The following HDX variants were observed in gnomAD, a reference collection of about 807,000 sequenced individuals.
HDX encodes the protein highly divergent homeobox.
Under a neutral mutation model 45.2 loss-of-function variants are expected in HDX, and 19 were observed. The ratio of observed to expected loss-of-function variants is 0.42; its 90% confidence interval spans 0.29 to 0.62. The LOEUF (loss-of-function observed/expected upper bound fraction) is 0.62, where lower values mean the gene tolerates loss of function less well. Among genes scored for constraint, HDX ranks in the 20% least tolerant of loss-of-function variants. The pLI, the probability that HDX is intolerant of heterozygous loss-of-function variation, is 0.20. For missense variants in HDX, 532 were observed against 493.9 expected (o/e 1.08, Z -0.73); for synonymous variants, 188 against 172.8 (o/e 1.09, Z -0.69).
chrX:84,349,765 T>A (rs913579969), intron 6 of HDX, among the ~76,000 whole-genome samples: 18 of 107,480 alleles, frequency 1.7e-4, no homozygotes, highest in Non-Finnish European at 3.3e-4. Context: ...TCTTTTGTAG[T>A]AACATAAATG....
chrX:84,365,626 C>T (rs187576892), intron 5 of HDX, among the ~76,000 whole-genome samples: 2 of 111,116 alleles, frequency 1.8e-5, no homozygotes, highest in Admixed American at 9.6e-5. Context: ...TGTTTGGTGC[C>T]CATGATATAA....
intron 6 of HDX, among the ~76,000 whole-genome samples, chrX:84,360,647 C>T (rs900615523): frequency 4.5e-5 from 5 of 111,164 alleles, no homozygotes; most frequent in African/African-American, 1.6e-4. Context: ...GAGGACACTT[C>T]ATATAAATGA....
At chrX:84,349,562 TG>T (rs2037289068) in intron 6 of HDX, among the ~76,000 whole-genome samples, 1 of 91,399 alleles carries the variant, frequency 1.1e-5, no homozygotes, top group Admixed American at 1.3e-4. Flanking sequence ...AGCATATAGA[TG>T]TATATATATG....
intron 5 of HDX, among the ~76,000 whole-genome samples, chrX:84,409,751 T>G (rs1329811868): frequency 2.0e-5 from 2 of 99,844 alleles, no homozygotes; most frequent in Non-Finnish European, 4.1e-5. Context: ...AGGGATAGCA[T>G]TAGGAGATAT....
chrX:84,422,649 C>A (rs2039282808), intron 5 of HDX, among the ~76,000 whole-genome samples: 1 of 102,446 alleles, frequency 9.8e-6, no homozygotes, highest in Non-Finnish European at 2.0e-5. Context: ...TACCAAAGAC[C>A]AATGAAATAA....
At chrX:84,415,246 T>G (rs977720983) in intron 5 of HDX, among the ~76,000 whole-genome samples, 9 of 112,145 alleles carry the variant, frequency 8.0e-5, no homozygotes, top group South Asian at 7.3e-4. Flanking sequence ...ACCACATTTC[T>G]CCACTTGCCA....
intron 4 of HDX, among the ~76,000 whole-genome samples, chrX:84,459,035 C>T (rs954896720): frequency 8.9e-6 from 1 of 112,020 alleles, no homozygotes; most frequent in African/African-American, 3.2e-5. Context: ...TCAAGTATCT[C>T]CTCTGGTCAC....
intron 4 of HDX, among the ~76,000 whole-genome samples, chrX:84,447,512 G>A (rs1215835813): frequency 1.8e-5 from 2 of 111,087 alleles, no homozygotes; most frequent in Non-Finnish European, 3.8e-5. Flanking sequence ...ACTCACTTAG[G>A]CCCTGAAACT....
At chrX:84,339,030 T>A (rs1053147559) in intron 7 of HDX, among the ~76,000 whole-genome samples, 6 of 111,246 alleles carry the variant, frequency 5.4e-5, no homozygotes, top group African/African-American at 2.0e-4. Flanking sequence ...GCCAATTAAA[T>A]CTCTTTTCTT....
chrX:84,340,206 G>A (rs2056062011), intron 7 of HDX, among the ~76,000 whole-genome samples: 1 of 110,921 alleles, frequency 9.0e-6, no homozygotes, highest in African/African-American at 3.3e-5. Context: ...AACTGAAACT[G>A]CTAAAAGACC....
chrX:84,416,360 G>A (rs1335360900), intron 5 of HDX, among the ~76,000 whole-genome samples: 3 of 111,656 alleles, frequency 2.7e-5, no homozygotes, highest in Admixed American at 9.5e-5. Context: ...GAGGGGCATC[G>A]ATCCTGGTAA....
intron 5 of HDX, among the ~76,000 whole-genome samples, chrX:84,432,471 T>A (rs980949275): frequency 1.8e-5 from 2 of 111,910 alleles, no homozygotes; most frequent in Non-Finnish European, 3.8e-5. Flanking sequence ...GAACATAGAA[T>A]GTTTTTCCAT....
At chrX:84,432,111 T>C (rs1185749723) in intron 5 of HDX, among the ~76,000 whole-genome samples, 3 of 111,606 alleles carry the variant, frequency 2.7e-5, no homozygotes, top group Admixed American at 9.5e-5. Flanking sequence ...TCATGGCTTG[T>C]TTTTGCCAAC....
intron 6 of HDX, among the ~76,000 whole-genome samples, chrX:84,347,684 A>G (rs2037238298): frequency 9.0e-6 from 1 of 111,404 alleles, no homozygotes. Flanking sequence ...TCTCCTTCAC[A>G]TTTGAAGGAT....
At chrX:84,358,186 C>T (rs2037533589) in intron 6 of HDX, among the ~76,000 whole-genome samples, 1 of 111,630 alleles carries the variant, frequency 9.0e-6, no homozygotes, top group African/African-American at 3.3e-5. Context: ...CTAATTAATA[C>T]AACACATCAT....
At chrX:84,458,294 T>C (rs1490597359) in intron 4 of HDX, among the ~76,000 whole-genome samples, 1 of 110,520 alleles carries the variant, frequency 9.0e-6, no homozygotes, top group Non-Finnish European at 1.9e-5. Context: ...AAAAAAAAAA[T>C]CCACAAAAAA....
At position 84,327,796 on chromosome X, in the gene HDX, T is replaced by C. The variant is rs183727474; in HGVS notation, c.1825-1496A>G. On this transcript the variant is annotated intron_variant, in intron 9 of 10. Coordinates refer to ENST00000373177, the MANE Select transcript of HDX (RefSeq NM_001177479.2). ...CTTTAAAAAAAAGAAAACTTTTATT[T>C]TAATTTATTTAGTTAAATCAATTTT... Among the ~76,000 whole-genome samples, 64 of 111,638 alleles carry C rather than the reference T, an allele frequency of 5.7e-4. 1 individual carries two copies. The East Asian group carries it at 0.016, about 27-fold the overall frequency.
intron 5 of HDX, among the ~76,000 whole-genome samples, chrX:84,406,855 T>A (rs1393486641): frequency 9.0e-6 from 1 of 110,975 alleles, no homozygotes; most frequent in Non-Finnish European, 1.9e-5. Context: ...CATAAACTCA[T>A]ACTAAAAATT....
chrX:84,423,716 T>C (rs1212671912), intron 5 of HDX, among the ~76,000 whole-genome samples: 1 of 111,939 alleles, frequency 8.9e-6, no homozygotes, highest in Non-Finnish European at 1.9e-5. Context: ...AAAACCTTTA[T>C]GATCGTTTCA....
Sources: allele counts gnomAD v4.1 joint callset (sites outside exome capture counted in the v4.1 genomes callset), GRCh38; gene constraint gnomAD v4.1.1; transcripts MANE v1.5; gene names NCBI Gene and HGNC (gene_info 2026-07-23, HGNC 2026-07-21).